The following POT1 variants were observed in gnomAD, a reference collection of about 807,000 sequenced individuals.
The protein encoded by POT1 is protection of telomeres protein 1.
In POT1, 47 loss-of-function variants were observed where a neutral mutation model predicts 78.5. That is an observed-to-expected ratio of 0.60 (90% confidence interval 0.47 to 0.76). The LOEUF is 0.76. Among genes scored for constraint, POT1 ranks in the 30% least tolerant of loss-of-function variants. The pLI is 0.00. For synonymous variants in POT1, 259 were observed against 260.7 expected (o/e 0.99, Z 0.06); for missense variants, 646 against 749.9 (o/e 0.86, Z 1.62).
chr7:124,830,876 G>A (rs1212801102), intron 15 of POT1, among the ~76,000 whole-genome samples: 8 of 152,090 alleles, frequency 5.3e-5, no homozygotes, highest in Admixed American at 3.9e-4. Flanking sequence ...CTAGAAGTAT[G>A]GATGAAACTG....
intron 11 of POT1, among the ~76,000 whole-genome samples, chr7:124,847,680 G>C (rs1795205463): frequency 6.6e-6 from 1 of 152,128 alleles, no homozygotes; most frequent in Non-Finnish European, 1.5e-5. Flanking sequence ...AGACAACACG[G>C]TACTGGCATC....
chr7:124,912,811 G>A (rs981213929), intron 3 of POT1, among the ~76,000 whole-genome samples: 3 of 152,140 alleles, frequency 2.0e-5, no homozygotes, highest in Non-Finnish European at 1.5e-5. Flanking sequence ...GTATACTGCA[G>A]AGGCTCCAGT....
At chr7:124,919,162 T>G (rs746291511) in intron 2 of POT1, among the ~76,000 whole-genome samples, 2 of 152,172 alleles carry the variant, frequency 1.3e-5, no homozygotes, top group African/African-American at 4.8e-5. Context: ...TTGAATACTG[T>G]AGGCAATTAT....
intron 9 of POT1, 111 bp from the exon 10 acceptor site, chr7:124,853,249 A>G: frequency 1.3e-6 from 1 of 765,020 alleles, no homozygotes; most frequent in South Asian, 1.9e-5. Context: ...ACCAGTCAGG[A>G]AATATACTAA....
At position 124,847,922 on chromosome 7, in the gene POT1, T is replaced by C. The variant is rs535720068; in HGVS notation, c.950-924A>G. Reference sequence around the variant, plus strand: ...GCCCACATTTATACTCGCTTGATTTTTGACAAAGACATTGAAGCCATCTAA... The same window carrying C: ...GCCCACATTTATACTCGCTTGATTTCTGACAAAGACATTGAAGCCATCTAA... On this transcript the variant is annotated intron_variant, in intron 11 of 18. Coordinates refer to ENST00000357628, the MANE Select transcript of POT1 (RefSeq NM_015450.3). Among the ~76,000 whole-genome samples, 6 of 152,356 alleles carry C rather than the reference T, an allele frequency of 3.9e-5. No individual in the cohort carries two copies. In the South Asian group the frequency reaches 1.0e-3, roughly 26 times the overall value.
chr7:124,929,297 T>C (rs1301312882), intron 1 of POT1, among the ~76,000 whole-genome samples: 1 of 151,630 alleles, frequency 6.6e-6, no homozygotes, highest in Non-Finnish European at 1.5e-5. Flanking sequence ...TAAAATTTAT[T>C]GGGGAAGAGG....
chr7:124,824,044 T>G lies in POT1; in HGVS notation c.1823A>C (p.Lys608Thr). ...TGTTCCATTTGTGACATTGTATGAC[T>G]TGATGAAGCATTCCAACCACGGATA... ...DAYPWLECFI[K>T]SYNVTNGTDN... The change falls in exon 19 of 19, where the codon AAG (lysine) becomes ACG (threonine). Residue 608 changes from lysine to threonine, a missense_variant. Lys to Thr is a moderately conservative substitution (Grantham distance 78). Coordinates refer to ENST00000357628, the MANE Select transcript of POT1 (RefSeq NM_015450.3). 6.2e-7 allele frequency: 1 copy of G among 1,607,872 alleles called. No individual in the cohort carries two copies. The highest frequency in any genetic ancestry group is 1.1e-5 in the South Asian group (1 of 90,226).
chr7:124,925,915 G>A (rs1797261147), intron 2 of POT1, among the ~76,000 whole-genome samples: 1 of 152,046 alleles, frequency 6.6e-6, no homozygotes, highest in South Asian at 2.1e-4. Context: ...ATGCAGAAGA[G>A]TGAAACTGGA....
chr7:124,867,578 G>C (rs1460125572), intron 7 of POT1, among the ~76,000 whole-genome samples: 2 of 151,708 alleles, frequency 1.3e-5, no homozygotes, highest in African/African-American at 4.8e-5. Context: ...CATCATTTGG[G>C]TCTCAATTCT....
Position 124,829,358 on chromosome 7 carries a change from GA to G in POT1, c.1506-17del. 1 of 1,439,194 alleles carries G rather than the reference GA, an allele frequency of 6.9e-7. No homozygotes were observed. Among genetic ancestry groups the G allele is most frequent in the Non-Finnish European group, 9.6e-7 (1 of 1,036,848 alleles). 89.2% of individuals were successfully genotyped at this position (1,439,194 alleles called of 1,614,324 possible). A position where few individuals can be genotyped will look rare whatever the true frequency, so the allele number is the denominator to read the frequency against. ...CTGTTTACATCTGAAATTTATAAAA[GA>G]AAGAACCATAAATATTTAAAAATAA... On this transcript the variant is annotated splice_polypyrimidine_tract_variant and intron_variant, in intron 15 of 18. Coordinates refer to ENST00000357628, the MANE Select transcript of POT1 (RefSeq NM_015450.3).
intron 13 of POT1, 107 bp downstream of exon 13, chr7:124,842,698 AAT>A (rs767685904): frequency 6.0e-6 from 5 of 830,922 alleles, no homozygotes; most frequent in Non-Finnish European, 3.4e-6. Flanking sequence ...TGCAAAATAT[AAT>A]ATATATATTA....
intron 7 of POT1, among the ~76,000 whole-genome samples, chr7:124,869,327 G>A (rs1795809092): frequency 6.6e-6 from 1 of 152,120 alleles, no homozygotes; most frequent in Non-Finnish European, 1.5e-5. Context: ...ACACAATAAT[G>A]ACCTTACTGG....
chr7:124,847,411 T>C (rs10225140), intron 11 of POT1, among the ~76,000 whole-genome samples: 60,339 of 151,904 alleles, frequency 0.4, 12,099 homozygotes, highest in East Asian at 0.49. Flanking sequence ...TGAGAATCAC[T>C]TGAACCCAGG....
chr7:124,824,287 A>C (rs1282841693), intron 18 of POT1, among the ~76,000 whole-genome samples: 1 of 151,750 alleles, frequency 6.6e-6, no homozygotes, highest in African/African-American at 2.4e-5. Flanking sequence ...GACTAATTTG[A>C]ATTTTTTGCC....
intron 3 of POT1, among the ~76,000 whole-genome samples, chr7:124,905,520 TA>T (rs564690168): frequency 1.7e-4 from 24 of 143,706 alleles, no homozygotes; most frequent in South Asian, 4.4e-4. Flanking sequence ...CCTAAAACCA[TA>T]AAAAAAAAAC....
chr7:124,904,059 A>G (rs12537071), intron 3 of POT1, among the ~76,000 whole-genome samples: 95,270 of 151,998 alleles, frequency 0.63, 30,297 homozygotes, highest in African/African-American at 0.73. Flanking sequence ...AGGACCAGAC[A>G]GATCCACAGC....
intron 11 of POT1, among the ~76,000 whole-genome samples, chr7:124,851,294 C>T (rs1011185579): frequency 3.3e-5 from 5 of 152,014 alleles, no homozygotes; most frequent in African/African-American, 7.2e-5. Context: ...CAGAGCAAGA[C>T]ACTGTCTCTT....
At chr7:124,907,241 C>T (rs1412113659) in intron 3 of POT1, among the ~76,000 whole-genome samples, 1 of 152,130 alleles carries the variant, frequency 6.6e-6, no homozygotes, top group African/African-American at 2.4e-5. Context: ...CCTTTTGTGT[C>T]TGTACTACCT....
chr7:124,916,394 T>C (rs541011573), intron 2 of POT1, among the ~76,000 whole-genome samples: 27 of 152,236 alleles, frequency 1.8e-4, no homozygotes, highest in African/African-American at 6.0e-4. Flanking sequence ...ACTTAAAAGA[T>C]AGAAAGCTGA....
Sources: allele counts gnomAD v4.1 joint callset (sites outside exome capture counted in the v4.1 genomes callset), GRCh38; gene constraint gnomAD v4.1.1; transcripts MANE v1.5; gene names NCBI Gene and HGNC (gene_info 2026-07-23, HGNC 2026-07-21).